Variants in KCNIP4 observed in about 807,000 individuals in gnomAD.
The protein encoded by KCNIP4 is Kv channel-interacting protein 4.
KCNIP4 carries 12 observed loss-of-function variants against 34.0 expected under a neutral mutation model. The observed-to-expected ratio is 0.35, with a 90% confidence interval of 0.23 to 0.57. The LOEUF (loss-of-function observed/expected upper bound fraction) is 0.57. Among genes scored for constraint, KCNIP4 ranks in the 20% least tolerant of loss-of-function variants. The pLI, the probability that KCNIP4 is intolerant of heterozygous loss-of-function variation, is 0.83. For missense variants in KCNIP4, 238 were observed against 311.7 expected (o/e 0.76, Z 1.78); for synonymous variants, 124 against 102.2 (o/e 1.21, Z -1.29).
intron 1 of KCNIP4, among the ~76,000 whole-genome samples, chr4:20,929,849 C>T (rs78744935): frequency 0.019 from 2,862 of 147,274 alleles, 44 homozygotes; most frequent in South Asian, 0.065. Flanking sequence ...AACTATAAAC[C>T]TTTGATAAAA....
In KCNIP4 at chr4:21,075,002, A is replaced by G. The variant is rs1171080640; in HGVS notation, c.62-192293T>C. Among the ~76,000 whole-genome samples, 3 of 152,086 alleles carry G rather than the reference A, an allele frequency of 2.0e-5. No homozygotes were observed. The East Asian group carries it at 5.8e-4, about 29-fold the overall frequency. ...GTTTGATTGCACTGTGGTCTTAGAGACAGTTTGTTACAATTTCTGTTCTTT... is the reference window on the plus strand; with the variant it reads ...GTTTGATTGCACTGTGGTCTTAGAGGCAGTTTGTTACAATTTCTGTTCTTT... On this transcript the variant is annotated intron_variant, in intron 1 of 8. Coordinates refer to ENST00000382152, the MANE Select transcript of KCNIP4 (RefSeq NM_025221.6).
intron 1 of KCNIP4, among the ~76,000 whole-genome samples, chr4:21,670,392 A>T (rs139671635): frequency 1.6e-5 from 2 of 124,010 alleles, no homozygotes; most frequent in African/African-American, 6.3e-5. Flanking sequence ...GGACACAGGA[A>T]GGGGAATATC....
chr4:21,379,825 T>C (rs1721313879), intron 1 of KCNIP4, among the ~76,000 whole-genome samples: 1 of 152,198 alleles, frequency 6.6e-6, no homozygotes, highest in South Asian at 2.1e-4. Context: ...CTTTCATTTT[T>C]GCATCTTCAT....
At chr4:21,486,712 A>C (rs66601179) in intron 1 of KCNIP4, among the ~76,000 whole-genome samples, 2 of 152,238 alleles carry the variant, frequency 1.3e-5, no homozygotes, top group African/African-American at 4.8e-5. Context: ...AAAAATTGCT[A>C]AGATAGTACA....
At chr4:20,805,055 G>A (rs539459112) in intron 3 of KCNIP4, among the ~76,000 whole-genome samples, 1 of 152,236 alleles carries the variant, frequency 6.6e-6, no homozygotes, top group African/African-American at 2.4e-5. Context: ...CATGCTTGCT[G>A]ACAAGTAGGT....
chr4:20,877,996 T>C (rs1724252066), intron 2 of KCNIP4, among the ~76,000 whole-genome samples: 2 of 152,012 alleles, frequency 1.3e-5, no homozygotes, highest in South Asian at 4.1e-4. Context: ...TTTAAAGATT[T>C]ACATTAGGAA....
chr4:21,113,405 C>T (rs1015911826), intron 1 of KCNIP4, among the ~76,000 whole-genome samples: 4 of 128,006 alleles, frequency 3.1e-5, no homozygotes, highest in African/African-American at 8.9e-5. Flanking sequence ...CTTTTGCCTT[C>T]GAAAGCTGAA....
chr4:21,122,432 AG>A lies in KCNIP4; in HGVS notation c.62-239724del, dbSNP rs200655411. On this transcript the variant is annotated intron_variant, in intron 1 of 8. Coordinates refer to ENST00000382152, the MANE Select transcript of KCNIP4 (RefSeq NM_025221.6). ...AACCAAAACAATGTAGCCTAAAGAA[AG>A]TGGGGTTAATTTTTGCAGATCAAGT... is the stretch of plus-strand genomic sequence containing the variant. Among the ~76,000 whole-genome samples, 570 of 150,652 alleles carry A rather than the reference AG, an allele frequency of 3.8e-3. 14 individuals carry two copies. Among genetic ancestry groups the A allele is most frequent in the African/African-American group, 0.012 (496 of 40,604 alleles).
chr4:21,119,083 A>G (rs1749923931), intron 1 of KCNIP4, among the ~76,000 whole-genome samples: 1 of 152,096 alleles, frequency 6.6e-6, no homozygotes, highest in Admixed American at 6.5e-5. Context: ...AAATACAATT[A>G]TATTTTGTCA....
At chr4:21,757,262 GAAAAGAAA>G (rs1717716923) in intron 1 of KCNIP4, among the ~76,000 whole-genome samples, 15 of 29,050 alleles carry the variant, frequency 5.2e-4, no homozygotes, top group African/African-American at 2.6e-3. Flanking sequence ...GAAAAGAAAA[GAAAAGAAA>G]AGAAAAGAAA....
At chr4:21,297,040 G>A (rs540056438) in intron 1 of KCNIP4, among the ~76,000 whole-genome samples, 6 of 151,426 alleles carry the variant, frequency 4.0e-5, no homozygotes, top group Admixed American at 1.3e-4. Flanking sequence ...GTGTGTGTGC[G>A]TGTGTTTGTG....
At chr4:21,824,058 A>G (rs1197638291) in intron 1 of KCNIP4, among the ~76,000 whole-genome samples, 1 of 152,176 alleles carries the variant, frequency 6.6e-6, no homozygotes, top group Admixed American at 6.5e-5. Flanking sequence ...TACGATGTGA[A>G]GAAGCCTGGG....
intron 1 of KCNIP4, among the ~76,000 whole-genome samples, chr4:21,655,261 T>C (rs1476361091): frequency 2.6e-5 from 4 of 152,148 alleles, no homozygotes; most frequent in Non-Finnish European, 5.9e-5. Context: ...TATGCCTCGG[T>C]GGCTGAGGAG....
At chr4:20,992,189 A>T (rs925003000) in intron 1 of KCNIP4, among the ~76,000 whole-genome samples, 1 of 152,212 alleles carries the variant, frequency 6.6e-6, no homozygotes, top group African/African-American at 2.4e-5. Context: ...ACACTTCCTC[A>T]TTGCTGGGGA....
chr4:21,531,977 G>A (rs1736718569), intron 1 of KCNIP4, among the ~76,000 whole-genome samples: 1 of 152,076 alleles, frequency 6.6e-6, no homozygotes, highest in Admixed American at 6.6e-5. Flanking sequence ...TAGGAATGAG[G>A]TGGGTAGGAA....
intron 1 of KCNIP4, among the ~76,000 whole-genome samples, chr4:21,617,552 TAAAC>T (rs948878156): frequency 6.6e-6 from 1 of 152,196 alleles, no homozygotes; most frequent in Non-Finnish European, 1.5e-5. Flanking sequence ...AAATGAATCA[TAAAC>T]AAATTATAGA....
chr4:20,920,015 C>G (rs1467918019), intron 1 of KCNIP4, among the ~76,000 whole-genome samples: 1 of 152,040 alleles, frequency 6.6e-6, no homozygotes, highest in Non-Finnish European at 1.5e-5. Flanking sequence ...TTGAATGGCT[C>G]TAGGCCATTT....
chr4:20,940,339 T>C (rs1731516187), intron 1 of KCNIP4, among the ~76,000 whole-genome samples: 1 of 152,218 alleles, frequency 6.6e-6, no homozygotes, highest in Non-Finnish European at 1.5e-5. Flanking sequence ...CTCAACAGCC[T>C]TTGAGTTCTT....
At position 21,535,556 on chromosome 4, in the gene KCNIP4, G is replaced by A. The variant is rs116684813; in HGVS notation, c.61+413015C>T. On this transcript the variant is annotated intron_variant, in intron 1 of 8. Transcript: ENST00000382152. ...AAGAACCATGATTTAAGCTAGCAAC[G>A]ACAAATGAAGCATAGTTACCCTCAT... Among the ~76,000 whole-genome samples, 158 of 152,094 alleles carry A rather than the reference G, an allele frequency of 1.0e-3. 1 individual carries two copies. The highest frequency in any genetic ancestry group is 3.6e-3 in the African/African-American group (148 of 41,482).
Sources: gnomAD v4.1 joint callset for allele counts (sites outside exome capture counted in the v4.1 genomes callset) on GRCh38, gnomAD v4.1.1 for gene constraint, MANE v1.5 for transcripts, NCBI Gene and HGNC (gene_info 2026-07-23, HGNC 2026-07-21) for gene names.